Variants in HDAC9 observed in about 807,000 individuals in gnomAD.
HDAC9 encodes the protein histone deacetylase 9.
In HDAC9, 41 loss-of-function variants were observed where a neutral mutation model predicts 139.4. The ratio of observed to expected loss-of-function variants is 0.29; its 90% confidence interval spans 0.23 to 0.38. The LOEUF is 0.38. HDAC9 is among the 10% of genes least tolerant of loss of function. HDAC9 has a pLI of 1.00. For synonymous variants in HDAC9, 517 were observed against 476.2 expected, an observed-to-expected ratio of 1.09 and a Z score of -1.12; for missense variants, 1,147 against 1,297.0, an observed-to-expected ratio of 0.88 and a Z score of 1.78.
chr7:18,977,376 A>G (rs751398900), intron 25 of HDAC9, among the ~76,000 whole-genome samples: 4 of 152,232 alleles, frequency 2.6e-5, no homozygotes, highest in African/African-American at 7.2e-5. Context: ...GCTATTCTTT[A>G]GAATTTAATA....
chr7:18,209,498 G>A (rs980114077), intron 2 of HDAC9, among the ~76,000 whole-genome samples: 1 of 152,246 alleles, frequency 6.6e-6, no homozygotes, highest in Middle Eastern at 3.4e-3. Context: ...TTACTCTGGT[G>A]TGAACTGTGA....
chr7:18,424,565 C>T (rs1016941718), intron 1 of HDAC9, among the ~76,000 whole-genome samples: 3 of 152,110 alleles, frequency 2.0e-5, no homozygotes, highest in Non-Finnish European at 2.9e-5. Flanking sequence ...GATTATATGA[C>T]TTTTACAACA....
Position 18,566,702 on chromosome 7 carries a change from A to G in HDAC9, c.23-18579A>G, listed in dbSNP as rs531372784. On this transcript the variant is annotated intron_variant, in intron 2 of 25. Transcript: ENST00000686413. ...TTTCTGCCAAATTCTGTTTCTTTAC[A>G]TTGACAAGGTATTGGGCATTAGCAA... Among the ~76,000 whole-genome samples the G allele has an allele frequency of 1.1e-3, 166 of 152,304 alleles. 2 individuals carry two copies. The highest frequency in any genetic ancestry group is 1.9e-3 in the Non-Finnish European group (130 of 68,020).
intron 12 of HDAC9, among the ~76,000 whole-genome samples, chr7:18,705,646 T>C (rs1205636759): frequency 6.7e-6 from 1 of 150,120 alleles, no homozygotes; most frequent in Non-Finnish European, 1.5e-5. Flanking sequence ...AGGTCAGGGG[T>C]TCAAGAGCAG....
At chr7:18,160,117 A>G (rs1186875233) in intron 1 of HDAC9, among the ~76,000 whole-genome samples, 1 of 152,206 alleles carries the variant, frequency 6.6e-6, no homozygotes, top group African/African-American at 2.4e-5. Flanking sequence ...ATATTTGCAA[A>G]TACACAAGTA....
chr7:18,462,467 A>G (rs1018609565), intron 1 of HDAC9, among the ~76,000 whole-genome samples: 3 of 152,078 alleles, frequency 2.0e-5, no homozygotes, highest in Non-Finnish European at 2.9e-5. Flanking sequence ...TAACCCCCAG[A>G]TGAAGAAATA....
chr7:18,782,016 A>G (rs1791281234), intron 16 of HDAC9, among the ~76,000 whole-genome samples: 1 of 152,128 alleles, frequency 6.6e-6, no homozygotes, highest in Admixed American at 6.6e-5. Flanking sequence ...ACTGCAATGA[A>G]AAACCTCTGT....
chr7:18,968,418 T>C (rs1482797724), intron 24 of HDAC9, among the ~76,000 whole-genome samples: 4 of 151,914 alleles, frequency 2.6e-5, no homozygotes, highest in Non-Finnish European at 5.9e-5. Flanking sequence ...AAGAGAAAAC[T>C]ATATACAGAT....
At chr7:18,454,601 A>G (rs1390433869) in intron 1 of HDAC9, among the ~76,000 whole-genome samples, 9 of 152,046 alleles carry the variant, frequency 5.9e-5, no homozygotes, top group Admixed American at 3.9e-4. Flanking sequence ...ATACATCATT[A>G]TAAGGTAAAA....
chr7:18,616,259 G>A (rs1562590238), intron 6 of HDAC9, among the ~76,000 whole-genome samples: 3 of 149,586 alleles, frequency 2.0e-5, no homozygotes, highest in Non-Finnish European at 4.5e-5. Context: ...ATAGAACATG[G>A]ACATCTTTGG....
At chr7:18,335,393 T>C (rs1386443495) in intron 1 of HDAC9, among the ~76,000 whole-genome samples, 1 of 151,498 alleles carries the variant, frequency 6.6e-6, no homozygotes, top group South Asian at 2.1e-4. Context: ...AGAGATCCCA[T>C]CTCATGGTTC....
chr7:18,757,212 A>G (rs1440733910), intron 14 of HDAC9, among the ~76,000 whole-genome samples: 3 of 152,130 alleles, frequency 2.0e-5, no homozygotes, highest in Non-Finnish European at 4.4e-5. Context: ...TCATTTTTTT[A>G]ACCTTTGAAT....
intron 2 of HDAC9, among the ~76,000 whole-genome samples, chr7:18,583,590 A>AG (rs1472645593): frequency 6.6e-6 from 1 of 151,742 alleles, no homozygotes; most frequent in East Asian, 1.9e-4. Flanking sequence ...AAAAAAAAAA[A>AG]AAAGAAAGAA....
At chr7:18,143,527 TAG>T (rs1443956024) in intron 1 of HDAC9, among the ~76,000 whole-genome samples, 1 of 152,148 alleles carries the variant, frequency 6.6e-6, no homozygotes, top group Non-Finnish European at 1.5e-5. Flanking sequence ...AATAAATTCA[TAG>T]AGAGTGAGTG....
chr7:18,581,833 T>G (rs1261812253), intron 2 of HDAC9, among the ~76,000 whole-genome samples: 2 of 152,226 alleles, frequency 1.3e-5, no homozygotes, highest in African/African-American at 2.4e-5. Flanking sequence ...CATTCTAATT[T>G]GCATCTGAAC....
chr7:18,866,298 C>A (rs1010548267), intron 21 of HDAC9, among the ~76,000 whole-genome samples: 2 of 151,942 alleles, frequency 1.3e-5, no homozygotes, highest in Non-Finnish European at 2.9e-5. Flanking sequence ...ACTTTCTGTA[C>A]AATTTGTTTT....
At chr7:18,551,542 T>C (rs1013655540) in intron 2 of HDAC9, among the ~76,000 whole-genome samples, 6 of 152,170 alleles carry the variant, frequency 3.9e-5, no homozygotes, top group African/African-American at 1.4e-4. Flanking sequence ...ACAATGTGTG[T>C]CCTCTCAGCC....
intron 12 of HDAC9, among the ~76,000 whole-genome samples, chr7:18,675,255 A>G (rs1165221322): frequency 6.6e-6 from 1 of 152,052 alleles, no homozygotes; most frequent in Non-Finnish European, 1.5e-5. Flanking sequence ...TTTGAGATCT[A>G]TGCATGGAAC....
intron 21 of HDAC9, among the ~76,000 whole-genome samples, chr7:18,852,752 A>C (rs1318716582): frequency 6.6e-6 from 1 of 152,146 alleles, no homozygotes; most frequent in African/African-American, 2.4e-5. Context: ...TTCTTAGAGA[A>C]ACTGCACTGA....
Sources: gnomAD v4.1 joint callset for allele counts (sites outside exome capture counted in the v4.1 genomes callset) on GRCh38, gnomAD v4.1.1 for gene constraint, MANE v1.5 for transcripts, NCBI Gene and HGNC (gene_info 2026-07-23, HGNC 2026-07-21) for gene names.